Variants in PPFIBP1 observed in about 807,000 individuals in gnomAD.
PPFIBP1 encodes PPFIB scaffold protein 1.
Under a neutral mutation model 137.8 loss-of-function variants are expected in PPFIBP1, and 112 were observed. The ratio of observed to expected loss-of-function variants is 0.81; its 90% CI spans 0.70 to 0.95. The LOEUF is 0.95. PPFIBP1 is among the 40% of genes least tolerant of loss of function. The probability of loss-of-function intolerance (pLI) is 0.00; values close to 1 mark genes in which losing one functional copy is unlikely to be tolerated. For synonymous variants in PPFIBP1, 378 were observed against 417.3 expected (o/e 0.91, Z 1.15); for missense variants, 1,083 against 1,196.6 (o/e 0.91, Z 1.40).
chr12:27,580,583 A>G (rs573937431), intron 2 of PPFIBP1, among the ~76,000 whole-genome samples: 24 of 152,348 alleles, frequency 1.6e-4, no homozygotes, highest in African/African-American at 5.3e-4. Flanking sequence ...TGTTACTAAG[A>G]TTACCCATTT....
chr12:27,646,610 C>G (rs1593102500), intron 5 of PPFIBP1, among the ~76,000 whole-genome samples: 1 of 151,924 alleles, frequency 6.6e-6, no homozygotes, highest in Non-Finnish European at 1.5e-5. Context: ...AGCATAACAT[C>G]TGAATATATG....
chr12:27,579,599 A>G (rs1360120449), intron 2 of PPFIBP1, among the ~76,000 whole-genome samples: 1 of 152,082 alleles, frequency 6.6e-6, no homozygotes, highest in Non-Finnish European at 1.5e-5. Context: ...TATTTTTTGC[A>G]TTCTCTTTGC....
intron 9 of PPFIBP1, 155 bp downstream of exon 9, chr12:27,656,885 CTT>C: frequency 1.8e-6 from 1 of 551,672 alleles, no homozygotes; most frequent in Non-Finnish European, 3.3e-6. Context: ...CTCCAAGACT[CTT>C]TACTGTGACT....
intron 2 of PPFIBP1, chr12:27,593,720 C>A: frequency 1.6e-6 from 1 of 624,130 alleles, no homozygotes; most frequent in Non-Finnish European, 2.8e-6. Flanking sequence ...CATTTAGAAG[C>A]CTATTAGCTA....
chr12:27,593,542 C>T, intron 2 of PPFIBP1: 1 of 376,984 alleles, frequency 2.7e-6, no homozygotes, highest in East Asian at 7.9e-5. Context: ...TGGAGGGGAG[C>T]TGCCGTACAG....
At position 27,612,330 on chromosome 12, in the gene PPFIBP1, T is replaced by G. The variant is rs1446009399; in HGVS notation, c.-35-21032T>G. On this transcript the variant is annotated intron_variant, in intron 2 of 29. Coordinates refer to ENST00000228425, the MANE Select transcript of PPFIBP1 (RefSeq NM_003622.4). ...TGCTCCATCTGTACTTTATTGGTGT[T>G]TTTTTTTTTTTTTTTTTTTTTGAGA... Among the ~76,000 whole-genome samples the G allele has an allele frequency of 1.1e-4, 15 of 133,996 alleles. No homozygotes were observed. The East Asian group carries it at 1.5e-3, about 13-fold the overall frequency. 87.9% of individuals were successfully genotyped at this position (133,996 alleles called of 152,430 possible).
intron 7 of PPFIBP1, chr12:27,654,520 T>C (rs1468148990): frequency 7.3e-6 from 4 of 551,606 alleles, no homozygotes; most frequent in Non-Finnish European, 1.1e-5. Flanking sequence ...GGCAGACGCA[T>C]TGGGGATTTA....
chr12:27,560,096 G>A (rs1256990225), intron 1 of PPFIBP1, among the ~76,000 whole-genome samples: 2 of 152,188 alleles, frequency 1.3e-5, no homozygotes, highest in Non-Finnish European at 2.9e-5. Flanking sequence ...TTTTTAAAAT[G>A]TACACCCAGA....
intron 2 of PPFIBP1, among the ~76,000 whole-genome samples, chr12:27,622,718 G>A (rs546035347): frequency 5.9e-5 from 9 of 152,302 alleles, no homozygotes; most frequent in Non-Finnish European, 7.3e-5. Flanking sequence ...ACTGTTCTGC[G>A]TCTAATACCT....
chr12:27,579,439 C>T (rs1290204578), intron 2 of PPFIBP1, among the ~76,000 whole-genome samples: 1 of 152,232 alleles, frequency 6.6e-6, no homozygotes, highest in African/African-American at 2.4e-5. Context: ...TCAGAGCCTT[C>T]CTCCCCTCAT....
At chr12:27,680,533 C>A (rs1440750006) in intron 21 of PPFIBP1, among the ~76,000 whole-genome samples, 1 of 152,056 alleles carries the variant, frequency 6.6e-6, no homozygotes, top group Non-Finnish European at 1.5e-5. Flanking sequence ...CAAAAGCTGA[C>A]CATGAAGGTT....
At chr12:27,573,983 TA>T (rs35501114) in intron 1 of PPFIBP1, among the ~76,000 whole-genome samples, 131,517 of 138,680 alleles carry the variant, frequency 0.95, 62,484 homozygotes, top group Non-Finnish European at 0.98. Context: ...CCCTGTCTCT[TA>T]AAAAAAAAAA....
At chr12:27,617,181 T>G (rs961756712) in intron 2 of PPFIBP1, among the ~76,000 whole-genome samples, 1 of 152,184 alleles carries the variant, frequency 6.6e-6, no homozygotes, top group Non-Finnish European at 1.5e-5. Context: ...ACCAAAAATT[T>G]GAAAAGTATG....
At chr12:27,592,808 A>G (rs893884286) in intron 2 of PPFIBP1, 28 of 665,254 alleles carry the variant, frequency 4.2e-5, no homozygotes, top group Admixed American at 1.7e-4. Context: ...CCAAGTCAAC[A>G]TTTACTCATT....
chr12:27,661,556 G>A (rs1308695907), intron 11 of PPFIBP1, among the ~76,000 whole-genome samples: 3 of 152,310 alleles, frequency 2.0e-5, no homozygotes, highest in East Asian at 3.9e-4. Flanking sequence ...CTGCACGAAA[G>A]TAATGGGTTT....
intron 2 of PPFIBP1, among the ~76,000 whole-genome samples, chr12:27,589,392 G>A (rs535981199): frequency 2.6e-5 from 4 of 152,136 alleles, no homozygotes; most frequent in African/African-American, 9.7e-5. Flanking sequence ...CGATCCTTGC[G>A]CCTCGGCCTT....
At chr12:27,645,020 G>A (rs2058376585) in intron 4 of PPFIBP1, among the ~76,000 whole-genome samples, 1 of 151,768 alleles carries the variant, frequency 6.6e-6, no homozygotes, top group African/African-American at 2.4e-5. Context: ...AGTTAATTCT[G>A]GAAAAACAGT....
chr12:27,560,240 A>G (rs2049048879), intron 1 of PPFIBP1, among the ~76,000 whole-genome samples: 2 of 152,220 alleles, frequency 1.3e-5, no homozygotes, highest in African/African-American at 2.4e-5. Flanking sequence ...GATCCTGACT[A>G]AAAATTTGGG....
At chr12:27,633,924 G>A (rs1237943280) in intron 3 of PPFIBP1, among the ~76,000 whole-genome samples, 5 of 138,688 alleles carry the variant, frequency 3.6e-5, no homozygotes, top group African/African-American at 5.4e-5. Context: ...TGCAACCTCC[G>A]CCTCCTGGGT....
Sources: gnomAD v4.1 joint callset for allele counts (sites outside exome capture counted in the v4.1 genomes callset) on GRCh38, gnomAD v4.1.1 for gene constraint, MANE v1.5 for transcripts, NCBI Gene and HGNC (gene_info 2026-07-23, HGNC 2026-07-21) for gene names.